Variants in PWWP2A observed in about 807,000 individuals in gnomAD.
PWWP2A encodes the protein PWWP domain-containing protein 2A.
Under a neutral mutation model 48.5 loss-of-function variants are expected in PWWP2A, and 18 were observed. The observed-to-expected ratio is 0.37, with a 90% CI of 0.26 to 0.55. The LOEUF (loss-of-function observed/expected upper bound fraction) is 0.55, where lower values mean the gene tolerates loss of function less well. PWWP2A is among the 20% of genes least tolerant of loss of function. The pLI, the probability that PWWP2A is intolerant of heterozygous loss-of-function variation, is 0.81. For synonymous variants in PWWP2A, 396 were observed against 387.7 expected, an observed-to-expected ratio of 1.02 and a Z score of -0.25; for missense variants, 867 against 976.4, an observed-to-expected ratio of 0.89 and a Z score of 1.49.
chr5:160,118,310 G>T (rs1032191628), intron 1 of PWWP2A, among the ~76,000 whole-genome samples: 3 of 152,138 alleles, frequency 2.0e-5, no homozygotes, highest in Admixed American at 6.5e-5. Context: ...CCCCTGTAAG[G>T]AGTGACAGGT....
chr5:160,092,686 A>G lies in PWWP2A; in HGVS notation c.1964T>C (p.Val655Ala), dbSNP rs1302335813. ...CVTPDGRTIC[V>A]GDIVWAKIYG... ...TATCTTGGCCCAAACAATGTCCCCT[A>G]CACATATGGTCCTGCCATCTGGTGT... The change falls in exon 2 of 2, where the codon GTA (valine) becomes GCA (alanine). Residue 655 changes from valine to alanine, a missense_variant. This residue lies in a region of PWWP2A where 97 missense variants were observed against 151.7 expected (regional missense o/e 0.64). Transcript: ENST00000307063. 1.3e-6 allele frequency: 2 copies of G among 1,551,550 alleles called. No individual in the cohort carries two copies. Among genetic ancestry groups the G allele is most frequent in the Non-Finnish European group, 1.7e-6 (2 of 1,146,990 alleles).
At chr5:160,083,452 G>A (rs1032093376) in intron 2 of PWWP2A, among the ~76,000 whole-genome samples, 1 of 152,142 alleles carries the variant, frequency 6.6e-6, no homozygotes, top group Non-Finnish European at 1.5e-5. Context: ...CAATAAAAAC[G>A]AAAATGTTCA....
In PWWP2A at chr5:160,104,275, C is replaced by T. The variant is rs149237805; in HGVS notation, c.585-10210G>A. Among the ~76,000 whole-genome samples the T allele has an allele frequency of 1.5e-4, 23 of 151,844 alleles. No individual in the cohort carries two copies. In the East Asian group the frequency reaches 2.5e-3, roughly 17 times the overall value. ...GCCACACAGGGAGACCCTGCCTCTA[C>T]AAAAAATTAGCTGAGTGTAGTGACA... On this transcript the variant is annotated intron_variant, in intron 1 of 1. Transcript: ENST00000307063.
chr5:160,075,327 C>T (rs373762027), downstream of PWWP2A, among the ~76,000 whole-genome samples: 1 of 152,132 alleles, frequency 6.6e-6, no homozygotes, highest in African/African-American at 2.4e-5. Context: ...TCTGGAATAA[C>T]AGGCAGCCAA....
In PWWP2A at chr5:160,118,893, G is replaced by C; in HGVS notation, c.496C>G (p.Leu166Val). Residue 166 changes from leucine (L) to valine (V), a missense_variant, in exon 1 of 2, where the codon CTG becomes GTG. Physicochemically the swap from Leu to Val is conservative, Grantham distance 32. Around this residue, in one of 4 missense-constraint regions of PWWP2A, gnomAD observed 385 missense variants for 396.9 expected, o/e 0.97. Transcript: ENST00000307063. The part of the protein sequence containing the change: ...LIPGSEVRVT[L>V]DHIIEDALVV... ...AGCGCGTCCTCAATGATGTGGTCCAGCGTGACCCGCACCTCCGAGCCCGGG... is the reference window on the plus strand; with the variant it reads ...AGCGCGTCCTCAATGATGTGGTCCACCGTGACCCGCACCTCCGAGCCCGGG... 6.2e-7 allele frequency: 1 copy of C among 1,601,992 alleles called. No homozygotes were observed. Among genetic ancestry groups the C allele is most frequent in the South Asian group, 1.1e-5 (1 of 89,596 alleles).
intron 1 of PWWP2A, among the ~76,000 whole-genome samples, chr5:160,111,622 A>G (rs1757584526): frequency 6.6e-6 from 1 of 152,162 alleles, no homozygotes; most frequent in Admixed American, 6.6e-5. Flanking sequence ...TGATAAAGTG[A>G]GACCCTATCT....
At chr5:160,118,753 T>C in intron 1 of PWWP2A, 52 bp downstream of exon 1, 2 of 1,366,724 alleles carry the variant, frequency 1.5e-6, no homozygotes, top group Non-Finnish European at 1.9e-6. Flanking sequence ...CCGGGCTCAC[T>C]CCCTCCCTGG....
the PWWP2A span, among the ~76,000 whole-genome samples, chr5:160,048,984 G>T: frequency 5.3e-5 from 8 of 151,962 alleles, no homozygotes; most frequent in Non-Finnish European, 8.8e-5. Flanking sequence ...CTTTCACTGC[G>T]CACTTGAACT....
At chr5:160,109,298 G>C (rs73313111) in intron 1 of PWWP2A, among the ~76,000 whole-genome samples, 2 of 150,898 alleles carry the variant, frequency 1.3e-5, no homozygotes, top group African/African-American at 4.9e-5. Context: ...AAGCATTTTC[G>C]AGCATAAACC....
In PWWP2A at chr5:160,119,105, A is replaced by G; in HGVS notation, c.284T>C (p.Leu95Pro). ...CGCCGACTCCGCCACCCGAACGGAC[A>G]GTTTCTCCTCAGCCTCCAGCTCCGG... ...VGPELEAEEK[L>P]SVRVAESAAA... The change falls in exon 1 of 2, where the codon CTG becomes CCG. Residue 95 changes from leucine to proline, a missense_variant. Physicochemically the swap from Leu to Pro is moderately conservative, Grantham distance 98. This residue lies in a region of PWWP2A where 385 missense variants were observed against 396.9 expected (regional missense o/e 0.97). Coordinates refer to ENST00000307063, the MANE Select transcript of PWWP2A (RefSeq NM_001130864.2). The G allele has an allele frequency of 6.3e-7, 1 of 1,588,394 alleles. No homozygotes were observed. The highest frequency in any genetic ancestry group is 8.5e-7 in the Non-Finnish European group (1 of 1,176,168).
At chr5:160,097,263 G>C (rs1755749456) in intron 1 of PWWP2A, among the ~76,000 whole-genome samples, 1 of 148,450 alleles carries the variant, frequency 6.7e-6, no homozygotes, top group Admixed American at 6.8e-5. Context: ...CTTGAGTCTG[G>C]GAGGTCAAGG....
At chr5:160,110,036 TTTGAGATA>T (rs1757398274) in intron 1 of PWWP2A, among the ~76,000 whole-genome samples, 1 of 151,384 alleles carries the variant, frequency 6.6e-6, no homozygotes, top group African/African-American at 2.4e-5. Flanking sequence ...TTTTTCTTTT[TTTGAGATA>T]GAGTCTTGCT....
chr5:160,048,842 G>A, the PWWP2A span, among the ~76,000 whole-genome samples: 7 of 152,140 alleles, frequency 4.6e-5, no homozygotes, highest in Non-Finnish European at 1.0e-4. Flanking sequence ...TCCCAGCTAC[G>A]TGGGAGGCTG....
intron 1 of PWWP2A, among the ~76,000 whole-genome samples, chr5:160,099,770 C>CA (rs1756068420): frequency 6.6e-6 from 1 of 151,852 alleles, no homozygotes; most frequent in African/African-American, 2.4e-5. Flanking sequence ...CTCCACCTCC[C>CA]AGGTTCAAGC....
In PWWP2A at chr5:160,078,275, C is replaced by T. The variant is rs1753992404; in HGVS notation, c.1670-107G>A. 1.1e-6 allele frequency: 1 copy of T among 928,514 alleles called. No homozygotes were observed. The highest frequency in any genetic ancestry group is 1.7e-5 in the African/African-American group (1 of 60,366). The allele number at this position is 928,514 out of a possible 1,614,324, so 57.5% of individuals were successfully genotyped here. ...GCCCTACATAGATTGTGGGATCACACCTGATTTTTTCTTTTAAATCGGTTA... is the reference window on the plus strand; with the variant it reads ...GCCCTACATAGATTGTGGGATCACATCTGATTTTTTCTTTTAAATCGGTTA... On this transcript the variant is annotated intron_variant, in intron 3 of 3. Transcript: ENST00000456329. This position sits in a 1 kb window ranked among gnomAD's most constrained non-coding sequence, Gnocchi z 4.2.
At chr5:160,067,584 T>C (rs1485214585) in intron 2 of PWWP2A, among the ~76,000 whole-genome samples, 2 of 152,134 alleles carry the variant, frequency 1.3e-5, no homozygotes, top group Non-Finnish European at 2.9e-5. Context: ...CTCCTCCTCT[T>C]CCTCTCAATC....
chr5:160,064,797 A>G, intron 4 of PWWP2A: 2 of 965,498 alleles, frequency 2.1e-6, no homozygotes, highest in South Asian at 1.7e-5. Flanking sequence ...CTTTCATCAT[A>G]TTAAAAGTAG....
At chr5:160,047,186 G>A in the PWWP2A span, among the ~76,000 whole-genome samples, 1 of 152,062 alleles carries the variant, frequency 6.6e-6, no homozygotes, top group African/African-American at 2.4e-5. Flanking sequence ...CTAGTGTCCT[G>A]TATCCCACTG....
At chr5:160,089,362 C>T, downstream of PWWP2A, 2 of 336,492 alleles carry the variant, frequency 5.9e-6, no homozygotes, top group South Asian at 5.0e-5. Flanking sequence ...GCCACCATGC[C>T]CAGCTAAGTT....
Sources: gnomAD v4.1 joint callset for allele counts (sites outside exome capture counted in the v4.1 genomes callset) on GRCh38, gnomAD v4.1.1 for gene constraint, gnomAD v4.1.1 regional missense constraint, Gnocchi (gnomAD v3.1) non-coding constraint, MANE v1.5 for transcripts, NCBI Gene and HGNC (gene_info 2026-07-23, HGNC 2026-07-21) for gene names.